ERCC6: variants seen among roughly 807,000 people sequenced by gnomAD.
ERCC6 encodes ERCC excision repair 6, chromatin remodeling factor.
In ERCC6, 116 loss-of-function variants were observed where a neutral mutation model predicts 158.7. The observed-to-expected ratio is 0.73, with a 90% CI of 0.63 to 0.85. The LOEUF (loss-of-function observed/expected upper bound fraction) is 0.85. Among genes scored for constraint, ERCC6 ranks in the 40% least tolerant of loss-of-function variants. The probability of loss-of-function intolerance (pLI) is 0.00; values close to 1 mark genes in which losing one functional copy is unlikely to be tolerated. For synonymous variants in ERCC6, 678 were observed against 659.3 expected, an observed-to-expected ratio of 1.03 and a Z score of -0.43; for missense variants, 1,698 against 1,799.4, an observed-to-expected ratio of 0.94 and a Z score of 1.02.
At chr10:49,442,569 CACAAA>C in the ERCC6 span, among the ~76,000 whole-genome samples, 1 of 152,176 alleles carries the variant, frequency 6.6e-6, no homozygotes, top group Non-Finnish European at 1.5e-5. Flanking sequence ...TCAGAAACTG[CACAAA>C]ACAATACAGT....
At chr10:49,528,370 C>G (rs1590483967) in intron 4 of ERCC6, 47 bp downstream of exon 4, 2 of 1,601,934 alleles carry the variant, frequency 1.2e-6, no homozygotes, top group African/African-American at 2.7e-5. Context: ...CTACAGGCAT[C>G]AGGCATCAAT....
chr10:49,500,593 C>G lies in ERCC6; in HGVS notation c.1630G>C (p.Ala544Pro), dbSNP rs762156132. ...CTGTAGCTCAGACCTGCCAAGAAGGCAATTATCTGGATGGTCTTGCCCAAT... is the reference window on the plus strand; with the variant it reads ...CTGTAGCTCAGACCTGCCAAGAAGGGAATTATCTGGATGGTCTTGCCCAAT... Reference protein sequence around the residue: ...MGLGKTIQIIAFLAGLSYSKI... With the variant: ...MGLGKTIQIIPFLAGLSYSKI... Residue 544 changes from alanine to proline, a missense_variant, in exon 7 of 21, where the codon GCC becomes CCC. Ala to Pro is a conservative substitution (Grantham distance 27). Transcript: ENST00000355832. 5 of 1,614,032 alleles carry G rather than the reference C, an allele frequency of 3.1e-6. No homozygotes were observed. The highest frequency in any genetic ancestry group is 2.2e-5 in the South Asian group (2 of 91,090).
In ERCC6 at chr10:49,493,041, T is replaced by C. The variant is rs1851202419; in HGVS notation, c.1821+76A>G. 5.5e-6 allele frequency: 8 copies of C among 1,459,112 alleles called. No individual in the cohort carries two copies. In the Admixed American group the frequency reaches 6.9e-5, roughly 13 times the overall value. 90.4% of individuals were successfully genotyped at this position (1,459,112 alleles called of 1,614,324 possible). A position where few individuals can be genotyped will look rare whatever the true frequency, so the allele number is the denominator to read the frequency against. ...CAGGAATATACATTTGAGAAACACA[T>C]GGATCAGAGAAAAACCAAATATGTA... On this transcript the variant is annotated intron_variant, in intron 8 of 20. Coordinates refer to ENST00000355832, the MANE Select transcript of ERCC6 (RefSeq NM_000124.4).
chr10:49,493,043 G>C lies in ERCC6; in HGVS notation c.1821+74C>G, dbSNP rs1031551714. On this transcript the variant is annotated intron_variant, in intron 8 of 20. Transcript: ENST00000355832. ...GGAATATACATTTGAGAAACACATG[G>C]ATCAGAGAAAAACCAAATATGTAAA... 41 of 1,475,716 alleles carry C rather than the reference G, an allele frequency of 2.8e-5. 3 individuals carry two copies. In the South Asian group the frequency reaches 3.6e-4, roughly 13 times the overall value. 91.4% of individuals were successfully genotyped at this position (1,475,716 alleles called of 1,614,324 possible).
In ERCC6 at chr10:49,461,473, G is replaced by C; in HGVS notation, c.3862C>G (p.Arg1288Gly). 6.2e-7 allele frequency: 1 copy of C among 1,614,122 alleles called. No homozygotes were observed. The highest frequency in any genetic ancestry group is 8.5e-7 in the Non-Finnish European group (1 of 1,179,998). ...GCTTTCAGGGCATCCTGGGCCACTC[G>C]GTTGGCTTCTGCCTCCACCAGTACA... ...DYVLVEAEAN[R>G]VAQDALKALR... The change falls in exon 19 of 21, where the codon CGA (arginine) becomes GGA (glycine). Residue 1288 changes from arginine to glycine, a missense_variant. Coordinates refer to ENST00000355832, the MANE Select transcript of ERCC6 (RefSeq NM_000124.4).
chr10:49,451,331 T>A (rs1850418197), downstream of ERCC6, among the ~76,000 whole-genome samples: 6 of 152,262 alleles, frequency 3.9e-5, no homozygotes, highest in South Asian at 1.0e-3. Context: ...AATAGAAGTG[T>A]GATAATGGGC....
rs963739447 is a variant in ERCC6, at chr10:49,483,214, T to C, written c.1992+132A>G. ...AAAGAGTTTTCTGCATTAAGGAAAA[T>C]GCACATTTTAAATTTCTTGTGCAGT... On this transcript the variant is annotated intron_variant, in intron 9 of 20. Transcript: ENST00000355832. 4.1e-6 allele frequency: 4 copies of C among 967,110 alleles called. No homozygotes were observed. The African/African-American group carries it at 4.9e-5, about 12-fold the overall frequency. 59.9% of individuals were successfully genotyped at this position (967,110 alleles called of 1,614,324 possible). A position where few individuals can be genotyped will look rare whatever the true frequency, so the allele number is the denominator to read the frequency against.
At chr10:49,525,474 T>C (rs147353500) in intron 4 of ERCC6, among the ~76,000 whole-genome samples, 6 of 152,318 alleles carry the variant, frequency 3.9e-5, no homozygotes, top group Non-Finnish European at 5.9e-5. Flanking sequence ...TGAAGTTAAC[T>C]GACTTGAAGA....
intron 18 of ERCC6, among the ~76,000 whole-genome samples, chr10:49,465,957 G>A (rs189173409): frequency 1.2e-3 from 177 of 152,322 alleles, no homozygotes; most frequent in African/African-American, 4.0e-3. Context: ...GGTGGGGACA[G>A]GGTGGGGGAT....
Position 49,461,444 on chromosome 10 carries a change from C to T in ERCC6, c.3891G>A (p.Leu1297=). Residue 1297 remains leucine, a synonymous_variant, in exon 19 of 21, where the codon CTG becomes CTA. Transcript: ENST00000355832. ...NRVAQDALKA[L]RLSRQRCLGA... ...CCAGACACCGCTGACGAGAGAGCCTCAGTGCTTTCAGGGCATCCTGGGCCA... is the reference window on the plus strand; with the variant it reads ...CCAGACACCGCTGACGAGAGAGCCTTAGTGCTTTCAGGGCATCCTGGGCCA... 1.2e-6 allele frequency: 2 copies of T among 1,614,214 alleles called. No homozygotes were observed. Among genetic ancestry groups the T allele is most frequent in the Non-Finnish European group, 8.5e-7 (1 of 1,180,042 alleles).
intron 18 of ERCC6, among the ~76,000 whole-genome samples, chr10:49,464,728 G>A (rs1402304200): frequency 1.3e-5 from 2 of 152,236 alleles, no homozygotes; most frequent in African/African-American, 4.8e-5. Flanking sequence ...AGCTCAGGCT[G>A]TGGCTTCAGA....
chr10:49,521,679 C>T (rs1837167503), intron 5 of ERCC6, among the ~76,000 whole-genome samples: 1 of 152,126 alleles, frequency 6.6e-6, no homozygotes, highest in Non-Finnish European at 1.5e-5. Context: ...GAGTCAGCCT[C>T]CAGATACAGT....
chr10:49,510,465 C>G (rs953358049), intron 5 of ERCC6, among the ~76,000 whole-genome samples: 2 of 152,108 alleles, frequency 1.3e-5, no homozygotes, highest in African/African-American at 4.8e-5. Context: ...CATGCAGCAC[C>G]ACCATGCACA....
Position 49,539,001 on chromosome 10 carries a change from A to G in ERCC6, c.-54T>C, listed in dbSNP as rs973889786. ...GCGCCCACAAGGAAACAGAGACGCT[A>G]CCGCCGCCAGCCGCCTTGGAACCCA... is the stretch of plus-strand genomic sequence containing the variant. On this transcript the variant is annotated 5_prime_UTR_variant, in exon 1 of 21. Coordinates refer to ENST00000355832, the MANE Select transcript of ERCC6 (RefSeq NM_000124.4). 41 of 152,646 alleles carry G rather than the reference A, an allele frequency of 2.7e-4. No individual in the cohort carries two copies. The highest frequency in any genetic ancestry group is 9.6e-4 in the African/African-American group (40 of 41,558). The allele number at this position is 152,646 out of a possible 1,614,324, so 9.5% of individuals were successfully genotyped here.
chr10:49,505,939 C>T lies in ERCC6; in HGVS notation c.1471G>A (p.Ala491Thr), dbSNP rs2132582150. Residue 491 changes from alanine (A) to threonine (T), a missense_variant, in exon 6 of 21, where the codon GCT becomes ACT. Transcript: ENST00000355832. ...ACTTTAAAACCTTCGTCAAATTCAG[C>T]ATCACTTTCCTCAGAATCGTCCTCC... ...KLEDDSEESDAEFDEGFKVPG... is the reference protein window; with the variant it reads ...KLEDDSEESDTEFDEGFKVPG... 1.9e-6 allele frequency: 3 copies of T among 1,613,514 alleles called. No individual in the cohort carries two copies. The highest frequency in any genetic ancestry group is 2.5e-6 in the Non-Finnish European group (3 of 1,179,612).
intron 8 of ERCC6, among the ~76,000 whole-genome samples, chr10:49,489,850 A>C (rs535968387): frequency 6.6e-6 from 1 of 152,178 alleles, no homozygotes; most frequent in Non-Finnish European, 1.5e-5. Context: ...TTATCTCTTC[A>C]TTTACTACAT....
chr10:49,453,481 T>C (rs959131159), downstream of ERCC6, among the ~76,000 whole-genome samples: 3 of 152,224 alleles, frequency 2.0e-5, no homozygotes, highest in Admixed American at 1.3e-4. Context: ...AAATGTTACA[T>C]ATATGACATT....
chr10:49,460,600 C>G, intron 19 of ERCC6, 149 bp from the exon 20 acceptor site: 1 of 685,532 alleles, frequency 1.5e-6, no homozygotes, highest in East Asian at 2.7e-5. Context: ...CTCTATCCCC[C>G]TCGATTCTTC....
At chr10:49,495,726 G>A (rs1376395255) in intron 7 of ERCC6, among the ~76,000 whole-genome samples, 2 of 152,068 alleles carry the variant, frequency 1.3e-5, no homozygotes, top group Non-Finnish European at 2.9e-5. Context: ...GAGCAGACCT[G>A]CTTGCTCTCC....
Sources: gnomAD v4.1 joint callset for allele counts (sites outside exome capture counted in the v4.1 genomes callset) on GRCh38, gnomAD v4.1.1 for gene constraint, MANE v1.5 for transcripts, NCBI Gene and HGNC (gene_info 2026-07-23, HGNC 2026-07-21) for gene names.